SEMA4D: variants seen among roughly 807,000 people sequenced by gnomAD.
SEMA4D encodes semaphorin 4D, also known as semaphorin-4D.
In SEMA4D, 22 loss-of-function variants were observed where a neutral mutation model predicts 74.8. That is an observed-to-expected ratio of 0.29 (90% CI 0.21 to 0.42). The LOEUF is 0.42. SEMA4D is among the 10% of genes least tolerant of loss of function. The pLI is 1.00. For synonymous variants in SEMA4D, 445 were observed against 463.7 expected (o/e 0.96, Z 0.52); for missense variants, 937 against 1,118.4 (o/e 0.84, Z 2.31).
At chr9:89,496,452 T>C (rs1826018922) in intron 1 of SEMA4D, among the ~76,000 whole-genome samples, 1 of 152,152 alleles carries the variant, frequency 6.6e-6, no homozygotes, top group African/African-American at 2.4e-5. Flanking sequence ...GTGTTTCTAT[T>C]TCTTTGTTTG....
chr9:89,435,686 G>A (rs1298081896), intron 2 of SEMA4D, among the ~76,000 whole-genome samples: 1 of 152,202 alleles, frequency 6.6e-6, no homozygotes, highest in Non-Finnish European at 1.5e-5. Context: ...ACGGCTTTAT[G>A]CAGAGCAAGT....
chr9:89,399,176 A>G (rs1282430492), intron 5 of SEMA4D, 100 bp downstream of exon 5: 4 of 982,768 alleles, frequency 4.1e-6, no homozygotes, highest in Admixed American at 3.6e-5. Flanking sequence ...GAGCCTGGAG[A>G]AAAGGCTGGC....
chr9:89,396,731 C>G lies in SEMA4D; in HGVS notation c.414+6G>C, dbSNP rs756693751. On this transcript the variant is annotated splice_donor_region_variant and intron_variant, in intron 6 of 15. Coordinates refer to ENST00000422704, the MANE Select transcript of SEMA4D (RefSeq NM_001371194.2). ...GTGAGCACAGGGAGGTGCCCATCAG[C>G]CTTACCAGGTGGTCACAGGCCGGCT... is the stretch of plus-strand genomic sequence containing the variant. 1.2e-6 allele frequency: 2 copies of G among 1,611,554 alleles called. No individual in the cohort carries two copies. The highest frequency in any genetic ancestry group is 2.2e-5 in the South Asian group (2 of 90,496).
At chr9:89,411,810 T>C (rs1844585423) in intron 2 of SEMA4D, among the ~76,000 whole-genome samples, 1 of 152,134 alleles carries the variant, frequency 6.6e-6, no homozygotes, top group Non-Finnish European at 1.5e-5. Context: ...GGCAGCCAGA[T>C]CTGGGGGCTC....
intron 2 of SEMA4D, among the ~76,000 whole-genome samples, chr9:89,444,315 G>C (rs1414911281): frequency 6.6e-6 from 1 of 152,134 alleles, no homozygotes; most frequent in East Asian, 1.9e-4. Context: ...GAGAAACACA[G>C]GCAAACACAT....
chr9:89,438,898 C>T (rs1420594598), intron 2 of SEMA4D, among the ~76,000 whole-genome samples: 3 of 146,982 alleles, frequency 2.0e-5, no homozygotes, highest in Non-Finnish European at 3.0e-5. Flanking sequence ...GTCTCCTGAC[C>T]TCGTGATCCA....
At chr9:89,393,011 G>A (rs1411077969) in intron 7 of SEMA4D, among the ~76,000 whole-genome samples, 2 of 152,200 alleles carry the variant, frequency 1.3e-5, no homozygotes, top group African/African-American at 4.8e-5. Flanking sequence ...AGTTCTTGCT[G>A]TTTCCCAGGC....
intron 1 of SEMA4D, among the ~76,000 whole-genome samples, chr9:89,490,637 C>T (rs560835268): frequency 4.6e-5 from 7 of 152,240 alleles, no homozygotes; most frequent in African/African-American, 7.2e-5. Flanking sequence ...TGCTTTTGGG[C>T]GGGTCAGGTG....
At chr9:89,368,835 C>A (rs946333447) in intron 16 of SEMA4D, 1 of 152,240 alleles carries the variant, frequency 6.6e-6, no homozygotes, top group Non-Finnish European at 1.5e-5. Context: ...TCCTGAACCT[C>A]TTCTCTGCAA....
chr9:89,390,631 C>T (rs1041857228), intron 9 of SEMA4D, among the ~76,000 whole-genome samples: 6 of 152,314 alleles, frequency 3.9e-5, no homozygotes, highest in East Asian at 3.9e-4. Flanking sequence ...CCATGAGAGA[C>T]GAATGGCTAC....
At chr9:89,385,810 G>C (rs1838311750) in intron 13 of SEMA4D, 1 of 729,214 alleles carries the variant, frequency 1.4e-6, no homozygotes, top group African/African-American at 1.9e-5. Flanking sequence ...AAGGTGGTTG[G>C]AGGTCCCGTT....
intron 1 of SEMA4D, among the ~76,000 whole-genome samples, chr9:89,482,821 T>C (rs763684085): frequency 2.0e-4 from 30 of 152,152 alleles, no homozygotes; most frequent in Non-Finnish European, 3.8e-4. Flanking sequence ...GGAGAGAGCA[T>C]GTCTGCATTC....
intron 2 of SEMA4D, among the ~76,000 whole-genome samples, chr9:89,442,622 G>A (rs918484152): frequency 6.6e-6 from 1 of 152,146 alleles, no homozygotes; most frequent in African/African-American, 2.4e-5. Context: ...AAATGGAAAA[G>A]ACAATGAGTT....
At chr9:89,374,182 G>T (rs1420779080), downstream of SEMA4D, among the ~76,000 whole-genome samples, 2 of 152,212 alleles carry the variant, frequency 1.3e-5, no homozygotes, top group Non-Finnish European at 2.9e-5. Flanking sequence ...GGAGGGCTGG[G>T]GGCCTCAGTT....
intron 2 of SEMA4D, among the ~76,000 whole-genome samples, chr9:89,420,584 C>G (rs1846715323): frequency 6.6e-6 from 1 of 152,256 alleles, no homozygotes. Context: ...GGCAGAAGGA[C>G]AGAGCCACTG....
intron 6 of SEMA4D, among the ~76,000 whole-genome samples, chr9:89,396,394 AT>A (rs1840966724): frequency 6.6e-6 from 1 of 151,840 alleles, no homozygotes; most frequent in Non-Finnish European, 1.5e-5. Context: ...TTCCCAGCAC[AT>A]CCCCAATGCC....
At chr9:89,383,301 G>A (rs1280100635) in intron 13 of SEMA4D, among the ~76,000 whole-genome samples, 2 of 152,152 alleles carry the variant, frequency 1.3e-5, no homozygotes, top group South Asian at 2.1e-4. Flanking sequence ...TACATGCCCC[G>A]ACACACTCGA....
At chr9:89,389,116 G>A in intron 9 of SEMA4D, 69 bp from the exon 10 acceptor site, 1 of 1,534,722 alleles carries the variant, frequency 6.5e-7, no homozygotes, top group Non-Finnish European at 9.0e-7. Context: ...TAAGGTCAGA[G>A]GTGCACCCCT....
chr9:89,389,757 G>A (rs1839393736), intron 9 of SEMA4D, among the ~76,000 whole-genome samples: 2 of 152,208 alleles, frequency 1.3e-5, no homozygotes, highest in Admixed American at 6.5e-5. Flanking sequence ...CAGGGAAAAT[G>A]TTCCCCCTTC....
Sources: allele counts gnomAD v4.1 joint callset (sites outside exome capture counted in the v4.1 genomes callset), GRCh38; gene constraint gnomAD v4.1.1; transcripts MANE v1.5; gene names NCBI Gene and HGNC (gene_info 2026-07-23, HGNC 2026-07-21).